Variants in ARHGAP44 observed in about 807,000 individuals in gnomAD.
ARHGAP44 encodes rho GTPase-activating protein 44.
ARHGAP44 carries 43 observed loss-of-function variants against 106.8 expected under a neutral mutation model. The ratio of observed to expected loss-of-function variants is 0.40; its 90% CI spans 0.32 to 0.52. The LOEUF (loss-of-function observed/expected upper bound fraction) is 0.52. ARHGAP44 is among the 20% of genes least tolerant of loss of function. The pLI, the probability that ARHGAP44 is intolerant of heterozygous loss-of-function variation, is 0.48. For synonymous variants in ARHGAP44, 439 were observed against 410.3 expected (o/e 1.07, Z -0.85); for missense variants, 866 against 1,050.5 (o/e 0.82, Z 2.43).
intron 5 of ARHGAP44, among the ~76,000 whole-genome samples, chr17:12,918,217 G>C (rs573487058): frequency 6.6e-6 from 1 of 152,294 alleles, no homozygotes; most frequent in South Asian, 2.1e-4. Flanking sequence ...GCTTAGCTTC[G>C]GAGCTGGGTG....
chr17:12,944,643 G>A (rs918404132), intron 10 of ARHGAP44, among the ~76,000 whole-genome samples: 3 of 142,278 alleles, frequency 2.1e-5, no homozygotes, highest in African/African-American at 2.5e-5. Context: ...GTGCCACCAC[G>A]CCCAGCTAAT....
At chr17:12,798,891 A>G (rs1450977389) in intron 1 of ARHGAP44, among the ~76,000 whole-genome samples, 1 of 152,178 alleles carries the variant, frequency 6.6e-6, no homozygotes, top group African/African-American at 2.4e-5. Context: ...TTATTGGACT[A>G]TTCATGTTGT....
At chr17:12,960,924 A>G (rs1371474798) in intron 16 of ARHGAP44, among the ~76,000 whole-genome samples, 1 of 152,234 alleles carries the variant, frequency 6.6e-6, no homozygotes, top group Non-Finnish European at 1.5e-5. Flanking sequence ...AGTCAGAGAC[A>G]GAGAAAACTA....
At chr17:12,822,467 G>T (rs191314557) in intron 1 of ARHGAP44, among the ~76,000 whole-genome samples, 1 of 152,172 alleles carries the variant, frequency 6.6e-6, no homozygotes, top group Non-Finnish European at 1.5e-5. Flanking sequence ...TCTTTTTCTG[G>T]GTTAAAGCTC....
intron 16 of ARHGAP44, among the ~76,000 whole-genome samples, chr17:12,961,783 T>A (rs1407573736): frequency 6.6e-6 from 1 of 152,096 alleles, no homozygotes; most frequent in Non-Finnish European, 1.5e-5. Context: ...TTAGGGTGGC[T>A]CTCCCTGAGT....
intron 15 of ARHGAP44, among the ~76,000 whole-genome samples, chr17:12,957,088 AG>A: frequency 6.6e-6 from 1 of 152,184 alleles, no homozygotes; most frequent in South Asian, 2.1e-4. Flanking sequence ...CCCACTGAGT[AG>A]CTGGGATTAC....
chr17:12,865,919 G>A (rs966911203), intron 1 of ARHGAP44, among the ~76,000 whole-genome samples: 12 of 151,880 alleles, frequency 7.9e-5, no homozygotes, highest in African/African-American at 2.4e-5. Flanking sequence ...CTATTGCAGC[G>A]AAGTCATTAC....
intron 1 of ARHGAP44, among the ~76,000 whole-genome samples, chr17:12,816,847 G>T (rs2034612432): frequency 1.3e-5 from 2 of 152,118 alleles, no homozygotes; most frequent in African/African-American, 2.4e-5. Flanking sequence ...GTTATTGATA[G>T]AATTAGTTCA....
rs556994054 is a variant in ARHGAP44 at position 12,878,723 on chromosome 17, CAG to C, written c.54-16214_54-16213del. ...CAGGAATAGTGAAGGAGGGAAGTCT[CAG>C]AGGAGTGGAGATTGGGCTAAGTGAC... On this transcript the variant is annotated intron_variant, in intron 1 of 20. Transcript: ENST00000379672. Among the ~76,000 whole-genome samples the C allele has an allele frequency of 5.7e-3, 861 of 152,330 alleles. 3 individuals are homozygous for C. Among genetic ancestry groups the C allele is most frequent in the South Asian group, 0.012 (59 of 4,832 alleles).
intron 1 of ARHGAP44, among the ~76,000 whole-genome samples, chr17:12,893,241 C>A (rs1246337626): frequency 6.6e-6 from 1 of 152,078 alleles, no homozygotes; most frequent in Non-Finnish European, 1.5e-5. Flanking sequence ...TGTGGGAGTT[C>A]TGGTTCTCTA....
intron 1 of ARHGAP44, among the ~76,000 whole-genome samples, chr17:12,857,514 C>T (rs973933258): frequency 6.6e-6 from 1 of 152,078 alleles, no homozygotes; most frequent in African/African-American, 2.4e-5. Context: ...ATCCTGATGA[C>T]CTTATCTAGT....
chr17:12,923,944 CT>C (rs543710476), intron 6 of ARHGAP44, among the ~76,000 whole-genome samples: 89 of 152,314 alleles, frequency 5.8e-4, no homozygotes, highest in Admixed American at 1.2e-3. Context: ...TGCTCCCCCC[CT>C]ACCCCCTGCA....
chr17:12,953,206 T>C (rs2039041309), intron 13 of ARHGAP44, among the ~76,000 whole-genome samples: 1 of 152,148 alleles, frequency 6.6e-6, no homozygotes, highest in Non-Finnish European at 1.5e-5. Flanking sequence ...TCCCGAGCCC[T>C]AGCTGTGTTC....
At chr17:12,866,260 C>G (rs2036236529) in intron 1 of ARHGAP44, among the ~76,000 whole-genome samples, 1 of 152,106 alleles carries the variant, frequency 6.6e-6, no homozygotes, top group African/African-American at 2.4e-5. Context: ...GGTAAATTGC[C>G]CTACAACAGG....
At chr17:12,965,024 C>G (rs2039356304) in intron 16 of ARHGAP44, among the ~76,000 whole-genome samples, 1 of 152,172 alleles carries the variant, frequency 6.6e-6, no homozygotes, top group Admixed American at 6.5e-5. Flanking sequence ...GGCCCCTGCT[C>G]CCTGCACTTG....
chr17:12,821,989 G>A (rs1460809849), intron 1 of ARHGAP44, among the ~76,000 whole-genome samples: 4 of 152,118 alleles, frequency 2.6e-5, no homozygotes, highest in Non-Finnish European at 5.9e-5. Context: ...GTGTTGGATG[G>A]GCTTGGGATT....
intron 4 of ARHGAP44, among the ~76,000 whole-genome samples, chr17:12,915,593 T>A (rs530539852): frequency 6.6e-6 from 1 of 152,210 alleles, no homozygotes; most frequent in African/African-American, 2.4e-5. Context: ...ATTTTAGCTA[T>A]CCAATGTTCT....
At chr17:12,862,418 C>T (rs2036113545) in intron 1 of ARHGAP44, among the ~76,000 whole-genome samples, 1 of 152,192 alleles carries the variant, frequency 6.6e-6, no homozygotes. Context: ...GTAACGCAGG[C>T]ACAACATAAA....
intron 1 of ARHGAP44, among the ~76,000 whole-genome samples, chr17:12,840,649 A>G (rs1567641624): frequency 6.6e-6 from 1 of 152,104 alleles, no homozygotes; most frequent in African/African-American, 2.4e-5. Context: ...GAAGAGGTGC[A>G]GTTCCTGGGG....
Sources: gnomAD v4.1 joint callset for allele counts (sites outside exome capture counted in the v4.1 genomes callset) on GRCh38, gnomAD v4.1.1 for gene constraint, MANE v1.5 for transcripts, NCBI Gene and HGNC (gene_info 2026-07-23, HGNC 2026-07-21) for gene names.